The following FAM53A variants were observed in gnomAD, a reference collection of about 807,000 sequenced individuals.
FAM53A encodes family with sequence similarity 53 member A.
In FAM53A, 28 loss-of-function variants were observed where a neutral mutation model predicts 26.6. The ratio of observed to expected loss-of-function variants is 1.05; its 90% confidence interval spans 0.78 to 1.45. The LOEUF is 1.45. Among genes scored for constraint, FAM53A ranks in the 40% most tolerant of loss-of-function variants. The pLI, the probability that FAM53A is intolerant of heterozygous loss-of-function variation, is 0.00. For synonymous variants in FAM53A, 290 were observed against 253.1 expected (o/e 1.15, Z -1.38); for missense variants, 650 against 575.8 (o/e 1.13, Z -1.32).
chr4:1,654,691 C>G (rs1001215447), intron 4 of FAM53A, among the ~76,000 whole-genome samples: 5 of 152,256 alleles, frequency 3.3e-5, no homozygotes, highest in African/African-American at 1.2e-4. Flanking sequence ...CAGCTCCGTT[C>G]TGCTGCCTCC....
chr4:1,646,611 C>T (rs28428760), intron 4 of FAM53A, among the ~76,000 whole-genome samples: 2,090 of 152,230 alleles, frequency 0.014, 44 homozygotes, highest in African/African-American at 0.047. Context: ...CTTGCGCTCT[C>T]GTGACTGAGG....
the FAM53A span, among the ~76,000 whole-genome samples, chr4:1,577,766 A>T: frequency 6.6e-6 from 1 of 152,164 alleles, no homozygotes; most frequent in Non-Finnish European, 1.5e-5. Context: ...TCATCTGCTC[A>T]TTACCGCGGC....
At chr4:1,597,419 G>C in the FAM53A span, among the ~76,000 whole-genome samples, 1 of 139,336 alleles carries the variant, frequency 7.2e-6, no homozygotes, top group African/African-American at 3.4e-5. Context: ...AACACGCACT[G>C]GGGGACCAGG....
chr4:1,634,433 C>T (rs1284753090), intron 1 of FAM53A, among the ~76,000 whole-genome samples: 1 of 152,198 alleles, frequency 6.6e-6, no homozygotes. Flanking sequence ...ACCTCGGCCA[C>T]CATGTTCAGC....
chr4:1,595,930 C>T, the FAM53A span, among the ~76,000 whole-genome samples: 9 of 152,224 alleles, frequency 5.9e-5, no homozygotes, highest in South Asian at 4.1e-4. Flanking sequence ...TCCACAGGAC[C>T]GGGTGTGACC....
At chr4:1,603,438 C>T in the FAM53A span, among the ~76,000 whole-genome samples, 9 of 152,312 alleles carry the variant, frequency 5.9e-5, no homozygotes, top group South Asian at 2.1e-4. Context: ...GGCCGCCCAC[C>T]GCAGGACAGG....
chr4:1,576,211 T>A, the FAM53A span, among the ~76,000 whole-genome samples: 1 of 152,252 alleles, frequency 6.6e-6, no homozygotes, highest in African/African-American at 2.4e-5. Context: ...CTCGCGCCTA[T>A]CTATCACGCG....
the FAM53A span, among the ~76,000 whole-genome samples, chr4:1,577,167 C>T: frequency 2.0e-5 from 3 of 152,298 alleles, no homozygotes; most frequent in Admixed American, 6.5e-5. Context: ...TGCCTGACCA[C>T]GTGCCCAGGA....
At chr4:1,667,311 G>C (rs999592175) in intron 2 of FAM53A, among the ~76,000 whole-genome samples, 1 of 152,020 alleles carries the variant, frequency 6.6e-6, no homozygotes. Flanking sequence ...GAAAAAAAAA[G>C]AAAAAATGAG....
intron 2 of FAM53A, among the ~76,000 whole-genome samples, chr4:1,665,404 G>A (rs185047877): frequency 2.9e-4 from 44 of 151,476 alleles, no homozygotes; most frequent in African/African-American, 1.0e-3. Flanking sequence ...CGAGAGAATC[G>A]CTTGAGCCCT....
chr4:1,629,888 G>T (rs557017998), intron 1 of FAM53A, among the ~76,000 whole-genome samples: 3 of 151,524 alleles, frequency 2.0e-5, no homozygotes, highest in African/African-American at 7.3e-5. Flanking sequence ...ACACGGCCTC[G>T]CTGGGGACAG....
downstream of FAM53A, among the ~76,000 whole-genome samples, chr4:1,616,115 C>T (rs983663940): frequency 6.6e-6 from 1 of 152,124 alleles, no homozygotes; most frequent in African/African-American, 2.4e-5. Flanking sequence ...ATCAAGACAC[C>T]GGCAAGACGA....
the FAM53A span, among the ~76,000 whole-genome samples, chr4:1,584,675 TG>T: frequency 1.7e-3 from 252 of 152,336 alleles, no homozygotes; most frequent in Non-Finnish European, 3.3e-3. Context: ...GCTGGGAGCT[TG>T]GCTGGGCTGT....
the FAM53A span, among the ~76,000 whole-genome samples, chr4:1,604,972 TCTC>T: frequency 3.4e-3 from 512 of 151,706 alleles, 4 homozygotes; most frequent in African/African-American, 0.012. Flanking sequence ...GGCCTCCACA[TCTC>T]CTGCTTGGCA....
chr4:1,658,499 A>G (rs1713583560), intron 2 of FAM53A, among the ~76,000 whole-genome samples: 1 of 152,246 alleles, frequency 6.6e-6, no homozygotes, highest in African/African-American at 2.4e-5. Context: ...AACAGCTCAG[A>G]CACGGGACCT....
At chr4:1,600,593 G>C in the FAM53A span, among the ~76,000 whole-genome samples, 1 of 152,172 alleles carries the variant, frequency 6.6e-6, no homozygotes, top group Non-Finnish European at 1.5e-5. Context: ...TGCTGTGGCC[G>C]GCACACTGCG....
At chr4:1,577,962 G>T in the FAM53A span, among the ~76,000 whole-genome samples, 1 of 152,144 alleles carries the variant, frequency 6.6e-6, no homozygotes, top group East Asian at 1.9e-4. Context: ...TGGGGGTGCT[G>T]CCCGGGGATG....
rs927130129 is a variant in FAM53A at position 1,623,687 on chromosome 4, C to T, written c.432-5576G>A. On this transcript the variant is annotated intron_variant, in intron 1 of 1. Coordinates refer to the FAM53A transcript ENST00000489029. ...TGAATTCAAATTACCCCGGGAGCCG[C>T]GCGATGCCAGCCATAACTCAGCCTG... 3.3e-5 allele frequency among the ~76,000 whole-genome samples: 5 copies of T among 152,266 alleles called. No individual in the cohort carries two copies. The East Asian group carries it at 7.7e-4, about 23-fold the overall frequency.
chr4:1,631,091 A>G (rs1715592234), intron 1 of FAM53A, among the ~76,000 whole-genome samples: 1 of 152,232 alleles, frequency 6.6e-6, no homozygotes, highest in South Asian at 2.1e-4. Flanking sequence ...CTAACAATAA[A>G]AACAATGTTT....
Sources: allele counts gnomAD v4.1 joint callset (sites outside exome capture counted in the v4.1 genomes callset), GRCh38; gene constraint gnomAD v4.1.1; transcripts MANE v1.5; gene names NCBI Gene and HGNC (gene_info 2026-07-23, HGNC 2026-07-21).